Variants in CNTNAP2 observed in about 807,000 individuals in gnomAD.
CNTNAP2 encodes the protein contactin-associated protein-like 2.
Under a neutral mutation model 155.2 loss-of-function variants are expected in CNTNAP2, and 98 were observed. That is an observed-to-expected ratio of 0.63 (90% CI 0.54 to 0.75). The LOEUF (loss-of-function observed/expected upper bound fraction) is 0.75, where lower values mean the gene tolerates loss of function less well. Among genes scored for constraint, CNTNAP2 ranks in the 30% least tolerant of loss-of-function variants. The probability of loss-of-function intolerance (pLI) is 0.00; values close to 1 mark genes in which losing one functional copy is unlikely to be tolerated. For missense variants in CNTNAP2, 1,727 were observed against 1,688.1 expected (o/e 1.02, Z -0.40); for synonymous variants, 651 against 631.2 (o/e 1.03, Z -0.47).
intron 4 of CNTNAP2, among the ~76,000 whole-genome samples, chr7:147,067,101 G>A (rs1799794887): frequency 6.6e-6 from 1 of 152,086 alleles, no homozygotes; most frequent in Admixed American, 6.6e-5. Flanking sequence ...GGCCATCCTG[G>A]CCAACATGGT....
intron 1 of CNTNAP2, among the ~76,000 whole-genome samples, chr7:146,532,442 CT>C (rs1278586764): frequency 6.6e-6 from 1 of 152,016 alleles, no homozygotes; most frequent in Non-Finnish European, 1.5e-5. Context: ...ACATTTCTAA[CT>C]TTTTTTTCTT....
chr7:147,982,359 T>A (rs893745718), intron 15 of CNTNAP2, among the ~76,000 whole-genome samples: 1 of 151,708 alleles, frequency 6.6e-6, no homozygotes. Flanking sequence ...TTCCAGAAAA[T>A]GTCTTATTCA....
chr7:147,266,898 C>T (rs1584831403), intron 8 of CNTNAP2, among the ~76,000 whole-genome samples: 1 of 152,086 alleles, frequency 6.6e-6, no homozygotes, highest in East Asian at 1.9e-4. Flanking sequence ...ATTTCATTTT[C>T]TCTATAAGAA....
At chr7:146,218,385 C>T (rs867794836) in intron 1 of CNTNAP2, among the ~76,000 whole-genome samples, 125 of 151,790 alleles carry the variant, frequency 8.2e-4, no homozygotes, top group African/African-American at 2.5e-3. Context: ...GGCGGGCGCC[C>T]GTAGTCCCAG....
chr7:147,542,510 G>A (rs1799659945), intron 11 of CNTNAP2, among the ~76,000 whole-genome samples: 1 of 152,164 alleles, frequency 6.6e-6, no homozygotes, highest in Admixed American at 6.5e-5. Flanking sequence ...GAAGTTAACT[G>A]AGAAGCTATT....
chr7:146,886,988 A>C (rs6957194), intron 3 of CNTNAP2, among the ~76,000 whole-genome samples: 54,970 of 151,390 alleles, frequency 0.36, 11,765 homozygotes, highest in East Asian at 0.63. Flanking sequence ...TATTTCTGCC[A>C]TGTAAAAACC....
rs567257112 is a variant in CNTNAP2, at chr7:147,503,255, AC to A, written c.1777+17215del. 5.9e-4 allele frequency among the ~76,000 whole-genome samples: 90 copies of A among 152,196 alleles called. 1 individual carries two copies. The highest frequency in any genetic ancestry group is 4.1e-3 in the Admixed American group (63 of 15,282). ...CAATCTATTCTCTGCCTCCTTCTTC[AC>A]ACAGCCACGTTCCCTGGGTGTTTCT... is the stretch of plus-strand genomic sequence containing the variant. On this transcript the variant is annotated intron_variant, in intron 11 of 23. Coordinates refer to ENST00000361727, the MANE Select transcript of CNTNAP2 (RefSeq NM_014141.6).
intron 13 of CNTNAP2, among the ~76,000 whole-genome samples, chr7:147,860,304 A>G (rs1384349532): frequency 1.3e-5 from 2 of 152,020 alleles, no homozygotes; most frequent in Non-Finnish European, 2.9e-5. Context: ...CTGCGCCTGT[A>G]ATCCCAGTGT....
At position 146,158,684 on chromosome 7, in the gene CNTNAP2, G is replaced by A. The variant is rs573422181; in HGVS notation, c.97+41711G>A. On this transcript the variant is annotated intron_variant, in intron 1 of 23. Coordinates refer to ENST00000361727, the MANE Select transcript of CNTNAP2 (RefSeq NM_014141.6). The stretch of plus-strand genomic sequence containing the variant: ...TGAATGAAATGAAGCAAGAAGAGAA[G>A]TTTAGGGAAAAAAGAGTAAACAGAA... Among the ~76,000 whole-genome samples, 94 of 152,156 alleles carry A rather than the reference G, an allele frequency of 6.2e-4. No individual in the cohort carries two copies. The Middle Eastern group carries it at 0.01, about 17-fold the overall frequency.
At chr7:148,161,143 T>C (rs1302886211) in intron 17 of CNTNAP2, among the ~76,000 whole-genome samples, 1 of 152,200 alleles carries the variant, frequency 6.6e-6, no homozygotes, top group Non-Finnish European at 1.5e-5. Flanking sequence ...TTATAGTTTG[T>C]CATTGTCCTG....
intron 8 of CNTNAP2, among the ~76,000 whole-genome samples, chr7:147,181,825 T>C (rs538269052): frequency 2.6e-5 from 4 of 152,166 alleles, no homozygotes; most frequent in African/African-American, 9.6e-5. Context: ...TGAAGCCATA[T>C]ATGGTCAAGA....
At chr7:147,599,334 TA>T (rs892309372) in intron 12 of CNTNAP2, among the ~76,000 whole-genome samples, 113 of 146,164 alleles carry the variant, frequency 7.7e-4, no homozygotes, top group South Asian at 4.0e-3. Context: ...AAATAAAAAT[TA>T]AAAAAAAAAA....
chr7:147,019,366 C>T (rs776277393), intron 3 of CNTNAP2, among the ~76,000 whole-genome samples: 4 of 151,986 alleles, frequency 2.6e-5, no homozygotes, highest in East Asian at 3.9e-4. Context: ...TTATGATATA[C>T]GACATTTTTC....
At chr7:146,170,968 A>G (rs1305824225) in intron 1 of CNTNAP2, among the ~76,000 whole-genome samples, 1 of 152,174 alleles carries the variant, frequency 6.6e-6, no homozygotes, top group Non-Finnish European at 1.5e-5. Context: ...CGGAGGTTAC[A>G]GTGAGCCGAG....
chr7:148,153,092 C>T (rs1585154792), intron 17 of CNTNAP2, among the ~76,000 whole-genome samples: 1 of 149,188 alleles, frequency 6.7e-6, no homozygotes, highest in Non-Finnish European at 1.5e-5. Flanking sequence ...TTTAGCCTGA[C>T]CTATGCCCAG....
chr7:146,654,272 C>A (rs1422199817), intron 1 of CNTNAP2, among the ~76,000 whole-genome samples: 2 of 151,926 alleles, frequency 1.3e-5, no homozygotes, highest in Admixed American at 1.3e-4. Context: ...CTGGGCCAGT[C>A]TCAGCAGGAC....
chr7:146,744,848 GTTA>G (rs1333749100), intron 1 of CNTNAP2, among the ~76,000 whole-genome samples: 1 of 152,128 alleles, frequency 6.6e-6, no homozygotes, highest in Non-Finnish European at 1.5e-5. Context: ...GTTAAGCCCT[GTTA>G]TTCCTACTTT....
chr7:146,774,346 A>C lies in CNTNAP2; in HGVS notation c.173A>C (p.Tyr58Ser), dbSNP rs747525088. The change falls in exon 2 of 24, where the codon TAT becomes TCT. Residue 58 changes from tyrosine (Y) to serine (S), a missense_variant. Coordinates refer to ENST00000361727, the MANE Select transcript of CNTNAP2 (RefSeq NM_014141.6). ...AGCTCCTCCTCCATCTCTGGTAGCT[A>C]TTCTCCCGGCTATGCCAAGATAAAC... The part of the protein sequence containing the change: ...FSSSSSISGS[Y>S]SPGYAKINKR... The C allele has an allele frequency of 1.9e-6, 3 of 1,613,880 alleles. No homozygotes were observed. The highest frequency in any genetic ancestry group is 2.7e-5 in the African/African-American group (2 of 74,906).
intron 1 of CNTNAP2, among the ~76,000 whole-genome samples, chr7:146,185,282 T>C (rs977673111): frequency 2.0e-5 from 3 of 152,032 alleles, no homozygotes; most frequent in Non-Finnish European, 2.9e-5. Flanking sequence ...GGAAAGTATG[T>C]TTAATTAGAG....
Sources: allele counts gnomAD v4.1 joint callset (sites outside exome capture counted in the v4.1 genomes callset), GRCh38; gene constraint gnomAD v4.1.1; transcripts MANE v1.5; gene names NCBI Gene and HGNC (gene_info 2026-07-23, HGNC 2026-07-21).